Variants in TCF12 observed in about 807,000 individuals in gnomAD.
The protein encoded by TCF12 is DNA-binding protein HTF4.
Under a neutral mutation model 86.0 loss-of-function variants are expected in TCF12, and 45 were observed. That is an observed-to-expected ratio of 0.52 (90% confidence interval 0.41 to 0.67). The LOEUF (loss-of-function observed/expected upper bound fraction) is 0.67. TCF12 is among the 30% of genes least tolerant of loss of function. The pLI is 0.00. For missense variants in TCF12, 881 were observed against 859.9 expected (o/e 1.02, Z -0.31); for synonymous variants, 330 against 299.6 (o/e 1.10, Z -1.05).
chr15:56,968,422 C>G (rs1327115541), intron 3 of TCF12, among the ~76,000 whole-genome samples: 1 of 149,966 alleles, frequency 6.7e-6, no homozygotes, highest in Non-Finnish European at 1.5e-5. Flanking sequence ...AGTGTAGTCA[C>G]TGTTCACAGG....
At chr15:56,982,229 A>G (rs1308584526) in intron 3 of TCF12, among the ~76,000 whole-genome samples, 1 of 152,226 alleles carries the variant, frequency 6.6e-6, no homozygotes, top group Non-Finnish European at 1.5e-5. Context: ...AGAATAAAGT[A>G]GGTAAAGAGT....
chr15:57,036,690 T>C (rs1230267164), intron 3 of TCF12, among the ~76,000 whole-genome samples: 5 of 152,210 alleles, frequency 3.3e-5, no homozygotes, highest in South Asian at 2.1e-4. Flanking sequence ...ATTTTTTAAT[T>C]GAAAATTTAA....
intron 3 of TCF12, among the ~76,000 whole-genome samples, chr15:56,981,808 A>G (rs982315254): frequency 3.9e-5 from 6 of 152,246 alleles, no homozygotes; most frequent in African/African-American, 1.4e-4. Context: ...AAGTGCAAAC[A>G]TTAAGAGAAT....
intron 8 of TCF12, chr15:57,219,442 C>T (rs759065486): frequency 1.6e-5 from 24 of 1,526,686 alleles, no homozygotes; most frequent in Non-Finnish European, 2.0e-5. Context: ...TGAAGACTTA[C>T]TCCCTTTGCC....
In TCF12 at chr15:57,172,163, T is replaced by G. The variant is rs1392429720; in HGVS notation, c.390+5697T>G. ...GCAGACATTTATAATAATAAAATAATAAAAGAGTTGATGTATCAGAAAGAC... is the reference window on the plus strand; with the variant it reads ...GCAGACATTTATAATAATAAAATAAGAAAAGAGTTGATGTATCAGAAAGAC... On this transcript the variant is annotated intron_variant, in intron 6 of 20. Transcript: ENST00000333725. 3.3e-5 allele frequency among the ~76,000 whole-genome samples: 5 copies of G among 152,126 alleles called. 1 individual carries two copies. The highest frequency in any genetic ancestry group is 7.4e-5 in the Non-Finnish European group (5 of 68,014).
intron 8 of TCF12, among the ~76,000 whole-genome samples, chr15:57,208,869 C>T (rs1456104473): frequency 1.3e-5 from 2 of 151,930 alleles, no homozygotes; most frequent in African/African-American, 4.8e-5. Flanking sequence ...GCACATGCCA[C>T]TACACCTGGC....
At chr15:57,235,416 G>A (rs2059340151) in intron 12 of TCF12, among the ~76,000 whole-genome samples, 1 of 152,104 alleles carries the variant, frequency 6.6e-6, no homozygotes, top group Non-Finnish European at 1.5e-5. Flanking sequence ...AAGCTAGCAT[G>A]GATAAAGCCC....
At chr15:56,955,683 T>C (rs1444203057) in intron 3 of TCF12, among the ~76,000 whole-genome samples, 2 of 152,364 alleles carry the variant, frequency 1.3e-5, no homozygotes, top group African/African-American at 2.4e-5. Flanking sequence ...AAATGTTCTG[T>C]ATGAACTTGA....
chr15:57,048,058 T>C (rs2067350930), intron 3 of TCF12, among the ~76,000 whole-genome samples: 1 of 152,232 alleles, frequency 6.6e-6, no homozygotes, highest in Non-Finnish European at 1.5e-5. Context: ...ATGCCTTCCA[T>C]AGTTGTTATG....
chr15:57,257,679 GTATATA>G (rs55834033), intron 16 of TCF12, among the ~76,000 whole-genome samples: 90,638 of 140,266 alleles, frequency 0.65, 29,271 homozygotes, highest in East Asian at 0.77. Flanking sequence ...AAAAAAAAGT[GTATATA>G]TATATATATA....
chr15:57,120,358 T>G (rs902819833), intron 5 of TCF12, among the ~76,000 whole-genome samples: 6 of 152,232 alleles, frequency 3.9e-5, no homozygotes, highest in Non-Finnish European at 8.8e-5. Context: ...GTTGGAGTTT[T>G]CTTGAAGATA....
chr15:57,213,117 G>A (rs1014516881), intron 8 of TCF12, among the ~76,000 whole-genome samples: 10 of 152,140 alleles, frequency 6.6e-5, no homozygotes, highest in African/African-American at 2.4e-4. Context: ...ACCAAATACT[G>A]GTCAAGCACT....
chr15:57,085,563 A>G (rs1410466704), intron 4 of TCF12, among the ~76,000 whole-genome samples: 4 of 152,172 alleles, frequency 2.6e-5, no homozygotes, highest in Admixed American at 2.6e-4. Context: ...AACCCACTTG[A>G]CTTTTTCATA....
chr15:57,023,988 A>T (rs1227740908), intron 3 of TCF12, among the ~76,000 whole-genome samples: 1 of 152,114 alleles, frequency 6.6e-6, no homozygotes, highest in Non-Finnish European at 1.5e-5. Flanking sequence ...CACTGATCTG[A>T]CAGGAGGTGG....
At chr15:57,184,951 T>G (rs1310026363) in intron 6 of TCF12, among the ~76,000 whole-genome samples, 3 of 152,246 alleles carry the variant, frequency 2.0e-5, no homozygotes, top group Non-Finnish European at 4.4e-5. Context: ...TATCATTTCT[T>G]CTGGAGGTTA....
At chr15:57,227,392 T>A (rs567412597) in intron 8 of TCF12, among the ~76,000 whole-genome samples, 2 of 152,256 alleles carry the variant, frequency 1.3e-5, no homozygotes, top group South Asian at 4.1e-4. Flanking sequence ...GTTATCCATA[T>A]GACTAAACTG....
At chr15:56,962,517 A>C (rs965281924) in intron 3 of TCF12, among the ~76,000 whole-genome samples, 2 of 152,204 alleles carry the variant, frequency 1.3e-5, no homozygotes, top group Non-Finnish European at 2.9e-5. Flanking sequence ...ATTACTATCC[A>C]TGTTAAAGAA....
At chr15:57,201,313 C>T (rs1440346431) in intron 8 of TCF12, among the ~76,000 whole-genome samples, 1 of 151,894 alleles carries the variant, frequency 6.6e-6, no homozygotes, top group Non-Finnish European at 1.5e-5. Flanking sequence ...GGGTGTGTAC[C>T]AGGTGCTCTG....
At chr15:57,245,545 T>C (rs538657526) in intron 13 of TCF12, among the ~76,000 whole-genome samples, 1 of 152,280 alleles carries the variant, frequency 6.6e-6, no homozygotes, top group South Asian at 2.1e-4. Flanking sequence ...TGTAGTAAGA[T>C]AGCTGCCAAA....
Sources: gnomAD v4.1 joint callset for allele counts (sites outside exome capture counted in the v4.1 genomes callset) on GRCh38, gnomAD v4.1.1 for gene constraint, MANE v1.5 for transcripts, NCBI Gene and HGNC (gene_info 2026-07-23, HGNC 2026-07-21) for gene names.